Variants in PRPF18 observed in about 807,000 individuals in gnomAD.
PRPF18 encodes pre-mRNA-splicing factor 18.
A neutral mutation model predicts 46.5 loss-of-function variants in PRPF18; 38 were observed. The ratio of observed to expected loss-of-function variants is 0.82; its 90% CI spans 0.63 to 1.07. The LOEUF is 1.07. Ranked by LOEUF, PRPF18 falls within the 50% of genes least tolerant of loss-of-function variation. PRPF18 has a pLI of 0.00. For missense variants in PRPF18, 263 were observed against 410.0 expected, an observed-to-expected ratio of 0.64 and a Z score of 3.10; for synonymous variants, 152 against 146.7, an observed-to-expected ratio of 1.04 and a Z score of -0.26.
At chr10:13,587,526 C>T (rs537536816) in intron 1 of PRPF18, among the ~76,000 whole-genome samples, 2 of 152,350 alleles carry the variant, frequency 1.3e-5, no homozygotes, top group South Asian at 4.1e-4. Flanking sequence ...TGCGGCTCTC[C>T]CCGCATCCCT....
downstream of PRPF18, among the ~76,000 whole-genome samples, chr10:13,633,681 T>C (rs1201278243): frequency 6.6e-6 from 1 of 152,148 alleles, no homozygotes; most frequent in African/African-American, 2.4e-5. Flanking sequence ...TCTGCCTCTT[T>C]CCTTTGTCTG....
At chr10:13,629,641 A>T (rs1189287013) in intron 9 of PRPF18, among the ~76,000 whole-genome samples, 1 of 152,200 alleles carries the variant, frequency 6.6e-6, no homozygotes, top group Non-Finnish European at 1.5e-5. Context: ...TATGAAAAGG[A>T]TGTCACTGAA....
At chr10:13,612,764 C>T (rs2080289604) in intron 6 of PRPF18, among the ~76,000 whole-genome samples, 1 of 151,832 alleles carries the variant, frequency 6.6e-6, no homozygotes, top group South Asian at 2.1e-4. Flanking sequence ...CATGTACCAC[C>T]ATGCCCAGCT....
chr10:13,595,260 CT>C (rs2080017197), intron 1 of PRPF18, among the ~76,000 whole-genome samples: 1 of 152,168 alleles, frequency 6.6e-6, no homozygotes, highest in African/African-American at 2.4e-5. Context: ...GAAAGAGCCT[CT>C]GTGGACCACA....
chr10:13,615,715 G>A (rs975686228), intron 8 of PRPF18, among the ~76,000 whole-genome samples: 2 of 151,942 alleles, frequency 1.3e-5, no homozygotes, highest in African/African-American at 2.4e-5. Context: ...AGCCAGGCTT[G>A]GTTAGGAAAA....
chr10:13,615,216 C>T (rs181564090), intron 8 of PRPF18, among the ~76,000 whole-genome samples: 9 of 152,312 alleles, frequency 5.9e-5, no homozygotes, highest in African/African-American at 2.2e-4. Context: ...CACATCACTC[C>T]CTGCTAGAAT....
At chr10:13,621,007 A>T (rs75682267) in intron 9 of PRPF18, among the ~76,000 whole-genome samples, 2,047 of 152,354 alleles carry the variant, frequency 0.013, 51 homozygotes, top group African/African-American at 0.047. Context: ...ATAGAGATGT[A>T]ACCCCTGGCC....
At chr10:13,644,254 C>G in the PRPF18 span, 1 of 152,184 alleles carries the variant, frequency 6.6e-6, no homozygotes, top group Non-Finnish European at 1.5e-5. Flanking sequence ...CCAATAGGGG[C>G]TTTATATCAG....
At chr10:13,611,399 T>G (rs2080267418) in intron 5 of PRPF18, among the ~76,000 whole-genome samples, 1 of 152,218 alleles carries the variant, frequency 6.6e-6, no homozygotes, top group South Asian at 2.1e-4. Context: ...CATTACCCCC[T>G]CTTGACTTTT....
intron 9 of PRPF18, among the ~76,000 whole-genome samples, chr10:13,617,076 A>G (rs1360757684): frequency 6.6e-6 from 1 of 152,216 alleles, no homozygotes. Context: ...CAAGTTATAC[A>G]TGCTTCACAT....
chr10:13,630,564 T>G lies in PRPF18; in HGVS notation c.*224T>G. On this transcript the variant is annotated 3_prime_UTR_variant, in exon 10 of 10. Coordinates refer to ENST00000378572, the MANE Select transcript of PRPF18 (RefSeq NM_003675.4). ...TGCTTTCATTTTAATTAGTCCAAAA[T>G]TAAGTTTTAAAGATTTTTCCTCACA... 1 of 321,028 alleles carries G rather than the reference T, an allele frequency of 3.1e-6. No homozygotes were observed. The highest frequency in any genetic ancestry group is 5.7e-6 in the Non-Finnish European group (1 of 176,920). 19.9% of individuals were successfully genotyped at this position (321,028 alleles called of 1,614,324 possible).
chr10:13,652,914 T>TCACACTTAA, the PRPF18 span: 2 of 152,090 alleles, frequency 1.3e-5, no homozygotes, highest in Admixed American at 1.3e-4. Context: ...GGCTTTGGGA[T>TCACACTTAA]CACACTTAAC....
downstream of PRPF18, chr10:13,632,440 A>G (rs945036639): frequency 6.6e-6 from 1 of 152,194 alleles, no homozygotes; most frequent in Non-Finnish European, 1.5e-5. Flanking sequence ...TAGATTTTTT[A>G]TATAGGACCT....
chr10:13,588,361 C>G (rs1564447363), intron 1 of PRPF18, among the ~76,000 whole-genome samples: 1 of 151,148 alleles, frequency 6.6e-6, no homozygotes, highest in African/African-American at 2.4e-5. Context: ...GAGCCGACAT[C>G]GCACCACTGC....
the PRPF18 span, chr10:13,651,582 AGAATCGCTT>A: frequency 5.1e-4 from 138 of 270,870 alleles, 1 homozygote; most frequent in African/African-American, 2.1e-3. Context: ...GGGAGCCAGG[AGAATCGCTT>A]GAACCTGGGA....
At chr10:13,603,683 A>G (rs961840110) in intron 3 of PRPF18, among the ~76,000 whole-genome samples, 1 of 152,210 alleles carries the variant, frequency 6.6e-6, no homozygotes, top group African/African-American at 2.4e-5. Context: ...ATAGGACTGA[A>G]TGTAAGTCAT....
At chr10:13,619,717 T>C (rs533905120) in intron 9 of PRPF18, among the ~76,000 whole-genome samples, 1 of 152,280 alleles carries the variant, frequency 6.6e-6, no homozygotes, top group Admixed American at 6.5e-5. Context: ...GCAGAAGCGA[T>C]ACTGAGTGTC....
the PRPF18 span, chr10:13,644,135 T>G: frequency 5.6e-3 from 852 of 152,634 alleles, 1 homozygote; most frequent in Non-Finnish European, 8.1e-3. Flanking sequence ...AACACTCACC[T>G]GCATATAATA....
At chr10:13,636,279 A>T in the PRPF18 span, among the ~76,000 whole-genome samples, 1 of 152,126 alleles carries the variant, frequency 6.6e-6, no homozygotes, top group Non-Finnish European at 1.5e-5. Flanking sequence ...AAAATTAGCC[A>T]GGTGTGGTGG....
Sources: allele counts gnomAD v4.1 joint callset (sites outside exome capture counted in the v4.1 genomes callset), GRCh38; gene constraint gnomAD v4.1.1; transcripts MANE v1.5; gene names NCBI Gene and HGNC (gene_info 2026-07-23, HGNC 2026-07-21).